Variants in ALPK2 observed in about 807,000 individuals in gnomAD.
ALPK2 encodes the protein alpha kinase 2, also known as alpha-protein kinase 2.
A neutral mutation model predicts 163.1 loss-of-function variants in ALPK2; 127 were observed. The ratio of observed to expected loss-of-function variants is 0.78; its 90% CI spans 0.67 to 0.90. ALPK2 has a LOEUF of 0.90. ALPK2 is among the 40% of genes least tolerant of loss of function. The pLI is 0.00. For synonymous variants in ALPK2, 953 were observed against 959.1 expected (o/e 0.99, Z 0.12); for missense variants, 2,360 against 2,589.6 (o/e 0.91, Z 1.92).
At chr18:58,546,611 A>G (rs1387808470) in intron 4 of ALPK2, among the ~76,000 whole-genome samples, 1 of 152,260 alleles carries the variant, frequency 6.6e-6, no homozygotes, top group Non-Finnish European at 1.5e-5. Context: ...AAAATGGCAT[A>G]GAAATTTATG....
At chr18:58,566,738 A>C (rs1424699854) in intron 4 of ALPK2, 1 of 152,248 alleles carries the variant, frequency 6.6e-6, no homozygotes, top group Non-Finnish European at 1.5e-5. Flanking sequence ...TTCCCCAGAC[A>C]GGTGAAGAAC....
Position 58,538,030 on chromosome 18 carries a change from A to C in ALPK2, c.2157T>G (p.His719Gln), listed in dbSNP as rs12103986. Residue 719 changes from histidine (H) to glutamine (Q), a missense_variant, in exon 5 of 13, where the codon CAT becomes CAG. Coordinates refer to ENST00000361673, the MANE Select transcript of ALPK2 (RefSeq NM_052947.4). Reference protein sequence around the residue: ...EVKPCTCGPQHEEKQDRDGNI... With the variant: ...EVKPCTCGPQQEEKQDRDGNI... ...TGCCATCTCTGTCTTGTTTTTCTTC[A>C]TGCTGTGGACCACAGGTACAGGGTT... 840,736 of 1,613,854 alleles carry C rather than the reference A, an allele frequency of 0.52. 223,714 individuals are homozygous for C. The highest frequency in any genetic ancestry group is 0.56 in the Non-Finnish European group (655,068 of 1,179,940).
chr18:58,606,609 C>T (rs1251122305), intron 3 of ALPK2, among the ~76,000 whole-genome samples: 1 of 152,098 alleles, frequency 6.6e-6, no homozygotes, highest in Non-Finnish European at 1.5e-5. Flanking sequence ...ATCTCAGACT[C>T]AACGCTATCA....
At chr18:58,544,156 G>T (rs1442729868) in intron 4 of ALPK2, 1 of 152,194 alleles carries the variant, frequency 6.6e-6, no homozygotes, top group Non-Finnish European at 1.5e-5. Flanking sequence ...AGGGGAAAGG[G>T]TAAACCAAAT....
At chr18:58,566,415 T>G (rs183815171) in intron 4 of ALPK2, 16 of 152,370 alleles carry the variant, frequency 1.1e-4, no homozygotes, top group Admixed American at 5.2e-4. Context: ...ATCATTTGTC[T>G]TGATATATGA....
intron 5 of ALPK2, among the ~76,000 whole-genome samples, chr18:58,530,357 T>C (rs2051606489): frequency 6.6e-6 from 1 of 152,040 alleles, no homozygotes; most frequent in South Asian, 2.1e-4. Flanking sequence ...AAGTGGATAA[T>C]TGAGAGAGAG....
intron 4 of ALPK2, among the ~76,000 whole-genome samples, chr18:58,543,727 T>C (rs2051703302): frequency 6.6e-6 from 1 of 152,188 alleles, no homozygotes; most frequent in Non-Finnish European, 1.5e-5. Flanking sequence ...AAAGGGTGAA[T>C]TCAGAGCTGA....
At chr18:58,549,993 C>T (rs78289451) in intron 4 of ALPK2, among the ~76,000 whole-genome samples, 2,857 of 152,188 alleles carry the variant, frequency 0.019, 94 homozygotes, top group African/African-American at 0.064. Context: ...TCTCCGTCAC[C>T]TTCCTCCTCC....
intron 1 of ALPK2, among the ~76,000 whole-genome samples, chr18:58,624,449 CT>C (rs60271669): frequency 0.72 from 91,930 of 127,228 alleles, 31,738 homozygotes; most frequent in East Asian, 0.93. Context: ...TGATTTCTTT[CT>C]TTTTTTTTTT....
intron 3 of ALPK2, among the ~76,000 whole-genome samples, chr18:58,597,179 A>T (rs999683869): frequency 1.3e-5 from 2 of 152,100 alleles, no homozygotes; most frequent in Non-Finnish European, 2.9e-5. Flanking sequence ...AATCCCAGCT[A>T]CTCAGGAGGC....
chr18:58,572,609 A>T (rs534501059), intron 4 of ALPK2, among the ~76,000 whole-genome samples: 1 of 152,226 alleles, frequency 6.6e-6, no homozygotes, highest in Non-Finnish European at 1.5e-5. Context: ...TGAAAAAAAA[A>T]CTCAAAAACT....
chr18:58,563,912 A>G (rs1362763601), intron 4 of ALPK2, among the ~76,000 whole-genome samples: 1 of 152,112 alleles, frequency 6.6e-6, no homozygotes, highest in Non-Finnish European at 1.5e-5. Flanking sequence ...AATATCACCA[A>G]TTTGACATCC....
At position 58,517,321 on chromosome 18, in the gene ALPK2, C is replaced by T. The variant is rs546338027; in HGVS notation, c.5666-139G>A. 4 of 821,858 alleles carry T rather than the reference C, an allele frequency of 4.9e-6. No individual in the cohort carries two copies. The African/African-American group carries it at 6.9e-5, about 14-fold the overall frequency. The allele number at this position is 821,858 out of a possible 1,614,324, so 50.9% of individuals were successfully genotyped here. A position where few individuals can be genotyped will look rare whatever the true frequency, so the allele number is the denominator to read the frequency against. On this transcript the variant is annotated intron_variant, in intron 8 of 12. Coordinates refer to ENST00000361673, the MANE Select transcript of ALPK2 (RefSeq NM_052947.4). ...CCAAGAGGGGGCAGACACACTTAAC[C>T]CTTCAAAAGAGGCATAGCTAAAAGA...
intron 1 of ALPK2, among the ~76,000 whole-genome samples, chr18:58,612,296 C>A (rs1416711591): frequency 6.6e-6 from 1 of 152,064 alleles, no homozygotes; most frequent in Non-Finnish European, 1.5e-5. Flanking sequence ...ACACTGTGCT[C>A]AAAAAAGTGT....
intron 5 of ALPK2, among the ~76,000 whole-genome samples, chr18:58,532,560 ACT>A (rs1416436808): frequency 2.0e-5 from 3 of 151,804 alleles, no homozygotes; most frequent in African/African-American, 7.3e-5. Context: ...TGCCAGCACC[ACT>A]CTTTCTCCTA....
intron 3 of ALPK2, among the ~76,000 whole-genome samples, chr18:58,595,605 G>A (rs2052036877): frequency 6.6e-6 from 1 of 152,156 alleles, no homozygotes; most frequent in African/African-American, 2.4e-5. Context: ...ATCTCTCTGG[G>A]CCTTGGGTGA....
intron 10 of ALPK2, among the ~76,000 whole-genome samples, chr18:58,513,553 ATTTACAATTT>A (rs1438851343): frequency 4.6e-5 from 7 of 152,168 alleles, no homozygotes; most frequent in African/African-American, 1.7e-4. Flanking sequence ...TAGATCAATT[ATTTACAATTT>A]TGTGTTCTTT....
intron 3 of ALPK2, among the ~76,000 whole-genome samples, chr18:58,585,806 C>T (rs1201127947): frequency 5.9e-5 from 9 of 151,958 alleles, no homozygotes; most frequent in African/African-American, 2.2e-4. Context: ...GCCTCAGCCT[C>T]CCAAGTAGCT....
Position 58,535,877 on chromosome 18 carries a change from TTTGA to T in ALPK2, c.4306_4309del (p.Ser1436MetfsTer26). 1 of 1,614,220 alleles carries T rather than the reference TTTGA, an allele frequency of 6.2e-7. No homozygotes were observed. The highest frequency in any genetic ancestry group is 1.1e-5 in the South Asian group (1 of 91,090). On this transcript the variant is annotated frameshift_variant, in exon 5 of 13. Coordinates refer to ENST00000361673, the MANE Select transcript of ALPK2 (RefSeq NM_052947.4). ...CGCTTCGTGGCCCATGTTTCCGTCATTTGATTGACCCCCTTCTCTGGCGCCCTGT... is the reference window on the plus strand; with the variant it reads ...CGCTTCGTGGCCCATGTTTCCGTCATTTGACCCCCTTCTCTGGCGCCCTGT...
Sources: gnomAD v4.1 joint callset for allele counts (sites outside exome capture counted in the v4.1 genomes callset) on GRCh38, gnomAD v4.1.1 for gene constraint, MANE v1.5 for transcripts, NCBI Gene and HGNC (gene_info 2026-07-23, HGNC 2026-07-21) for gene names.